The following WWOX variants were observed in gnomAD, a reference collection of about 807,000 sequenced individuals.
WWOX encodes WW domain containing oxidoreductase, also known as WW domain-containing oxidoreductase.
In WWOX, 69 loss-of-function variants were observed where a neutral mutation model predicts 46.2. The observed-to-expected ratio is 1.49, with a 90% CI of 1.23 to 1.82. The LOEUF (loss-of-function observed/expected upper bound fraction) is 1.82, where lower values mean the gene tolerates loss of function less well. WWOX is among the 40% of genes most tolerant of loss of function. The pLI, the probability that WWOX is intolerant of heterozygous loss-of-function variation, is 0.00. For missense variants in WWOX, 919 were observed against 542.6 expected (o/e 1.69, Z -6.89); for synonymous variants, 359 against 202.6 (o/e 1.77, Z -6.56).
At chr16:78,554,635 G>A (rs2458029) in intron 8 of WWOX, among the ~76,000 whole-genome samples, 102,297 of 151,906 alleles carry the variant, frequency 0.67, 36,333 homozygotes, top group East Asian at 0.8. Flanking sequence ...CTTTGGACAA[G>A]AAAAAATCCC....
intron 5 of WWOX, among the ~76,000 whole-genome samples, chr16:78,226,557 TTTTCC>T (rs369550046): frequency 2.7e-5 from 4 of 148,640 alleles, no homozygotes; most frequent in African/African-American, 9.9e-5. Flanking sequence ...TTTTCTTTTC[TTTTCC>T]TTTCCTTCTT....
chr16:78,621,986 T>C (rs1383856249), intron 8 of WWOX, among the ~76,000 whole-genome samples: 1 of 152,142 alleles, frequency 6.6e-6, no homozygotes, highest in Non-Finnish European at 1.5e-5. Context: ...TTAGTGCTCC[T>C]GGATGTCCAA....
At chr16:78,639,270 CGATG>C (rs1328079074) in intron 8 of WWOX, among the ~76,000 whole-genome samples, 6 of 152,162 alleles carry the variant, frequency 3.9e-5, no homozygotes, top group African/African-American at 7.2e-5. Flanking sequence ...GCCCAGGCAT[CGATG>C]ACACACGCAG....
chr16:78,597,357 C>G (rs1317694819), intron 8 of WWOX, among the ~76,000 whole-genome samples: 1 of 152,150 alleles, frequency 6.6e-6, no homozygotes, highest in Non-Finnish European at 1.5e-5. Flanking sequence ...ACTGCTGATT[C>G]ATTCATTTGG....
intron 8 of WWOX, among the ~76,000 whole-genome samples, chr16:78,996,957 G>T (rs1567470427): frequency 6.6e-6 from 1 of 152,224 alleles, no homozygotes; most frequent in Non-Finnish European, 1.5e-5. Context: ...GCGCCTGGGA[G>T]GGCGAGGTGC....
At chr16:78,935,214 G>A (rs7198080) in intron 8 of WWOX, among the ~76,000 whole-genome samples, 2 of 152,038 alleles carry the variant, frequency 1.3e-5, no homozygotes, top group East Asian at 1.9e-4. Flanking sequence ...CAAGGATCTA[G>A]AACTAGAAAT....
intron 8 of WWOX, among the ~76,000 whole-genome samples, chr16:79,097,783 C>G (rs1310890213): frequency 6.6e-6 from 1 of 152,120 alleles, no homozygotes; most frequent in African/African-American, 2.4e-5. Flanking sequence ...AGTAGCGGGG[C>G]TGAGAGTGGG....
At chr16:78,980,094 C>G (rs1349190627) in intron 8 of WWOX, among the ~76,000 whole-genome samples, 2 of 152,224 alleles carry the variant, frequency 1.3e-5, no homozygotes, top group Admixed American at 1.3e-4. Flanking sequence ...CACCACTGCA[C>G]TGCAGCCTTG....
At chr16:78,779,647 G>C (rs886605179) in intron 8 of WWOX, among the ~76,000 whole-genome samples, 3 of 152,176 alleles carry the variant, frequency 2.0e-5, no homozygotes, top group African/African-American at 7.2e-5. Context: ...AATCGTAGCA[G>C]AGGGCCCCAG....
rs1377722283 is a variant in WWOX at position 78,142,001 on chromosome 16, T to C, written c.410-22182T>C. On this transcript the variant is annotated intron_variant, in intron 4 of 8. Coordinates refer to ENST00000566780, the MANE Select transcript of WWOX (RefSeq NM_016373.4). ...TATAAAATTTTAAATTTCTTTTTTT[T>C]TTTTTTTAAAGATGGTGCTCCCTAA... Among the ~76,000 whole-genome samples, 14 of 151,990 alleles carry C rather than the reference T, an allele frequency of 9.2e-5. No homozygotes were observed. The South Asian group carries it at 2.9e-3, about 32-fold the overall frequency.
intron 8 of WWOX, among the ~76,000 whole-genome samples, chr16:78,584,179 C>G (rs78904459): frequency 6.6e-6 from 1 of 152,208 alleles, no homozygotes; most frequent in South Asian, 2.1e-4. Context: ...AAGACTAACA[C>G]AAGGCCTGGC....
chr16:78,439,322 C>A (rs1205568684), intron 8 of WWOX, among the ~76,000 whole-genome samples: 2 of 152,170 alleles, frequency 1.3e-5, no homozygotes. Flanking sequence ...CTCTCAGGAC[C>A]CCTCTGTGGT....
chr16:78,149,074 C>G (rs1296074132), intron 4 of WWOX, among the ~76,000 whole-genome samples: 1 of 152,024 alleles, frequency 6.6e-6, no homozygotes. Context: ...TCACTGTAAC[C>G]TCGAATTCCT....
chr16:78,885,266 C>T (rs537694623), intron 8 of WWOX, among the ~76,000 whole-genome samples: 67 of 150,134 alleles, frequency 4.5e-4, no homozygotes, highest in African/African-American at 1.6e-3. Context: ...AATACTCTTG[C>T]CTTCTTCCAT....
chr16:78,691,174 C>T (rs533966250), intron 8 of WWOX: 56 of 695,576 alleles, frequency 8.1e-5, no homozygotes, highest in East Asian at 7.0e-4. Flanking sequence ...AGTGTTTGTG[C>T]GATAAGAGAA....
At chr16:78,688,686 G>C (rs1490467290) in intron 8 of WWOX, among the ~76,000 whole-genome samples, 2 of 152,128 alleles carry the variant, frequency 1.3e-5, no homozygotes, top group African/African-American at 4.8e-5. Context: ...ACTTGGGGAA[G>C]GGGCAAGGGA....
At chr16:78,796,405 G>A (rs960143232) in intron 8 of WWOX, among the ~76,000 whole-genome samples, 4 of 152,222 alleles carry the variant, frequency 2.6e-5, no homozygotes, top group Admixed American at 6.5e-5. Context: ...CCTGGAAGCA[G>A]TGAGGTCACT....
At position 78,561,785 on chromosome 16, in the gene WWOX, T is replaced by A. The variant is rs918990896; in HGVS notation, c.1056+129033T>A. 2.0e-5 allele frequency among the ~76,000 whole-genome samples: 3 copies of A among 152,274 alleles called. No homozygotes were observed. In the East Asian group the frequency reaches 5.8e-4, roughly 29 times the overall value. On this transcript the variant is annotated intron_variant, in intron 8 of 8. Coordinates refer to ENST00000566780, the MANE Select transcript of WWOX (RefSeq NM_016373.4). ...TTCACCTGTGAGCCGAGCAAGTGATTTTGCCTGCAGAGAAGAACGCAGGGT... is the reference window on the plus strand; with the variant it reads ...TTCACCTGTGAGCCGAGCAAGTGATATTGCCTGCAGAGAAGAACGCAGGGT...
rs539629162 is a variant in WWOX, at chr16:78,568,458, A to T, written c.1056+135706A>T. Among the ~76,000 whole-genome samples, 680 of 150,962 alleles carry T rather than the reference A, an allele frequency of 4.5e-3. 5 individuals carry two copies. Among genetic ancestry groups the T allele is most frequent in the African/African-American group, 0.013 (513 of 41,030 alleles). ...TATATATTAAATTTTTCTTTTTTTT[A>T]AAAAAAAGCTTCCAACTTTTTTTTT... On this transcript the variant is annotated intron_variant, in intron 8 of 8. Coordinates refer to ENST00000566780, the MANE Select transcript of WWOX (RefSeq NM_016373.4).
Sources: allele counts gnomAD v4.1 joint callset (sites outside exome capture counted in the v4.1 genomes callset), GRCh38; gene constraint gnomAD v4.1.1; transcripts MANE v1.5; gene names NCBI Gene and HGNC (gene_info 2026-07-23, HGNC 2026-07-21).